CENPL: variants seen among roughly 807,000 people sequenced by gnomAD.
The protein encoded by CENPL is centromere protein L.
CENPL carries 20 observed loss-of-function variants against 35.2 expected under a neutral mutation model. The ratio of observed to expected loss-of-function variants is 0.57; its 90% CI spans 0.40 to 0.83. The LOEUF is 0.83. Ranked by LOEUF, CENPL falls within the 40% of genes least tolerant of loss-of-function variation. CENPL has a pLI of 0.00. For synonymous variants in CENPL, 140 were observed against 140.6 expected (o/e 1.00, Z 0.03); for missense variants, 363 against 395.8 (o/e 0.92, Z 0.70).
intron 4 of CENPL, among the ~76,000 whole-genome samples, chr1:173,805,921 C>T (rs1432185580): frequency 1.3e-5 from 2 of 152,160 alleles, no homozygotes; most frequent in Non-Finnish European, 1.5e-5. Flanking sequence ...CCCAGAACAT[C>T]TTGAGATCTT....
intron 4 of CENPL, among the ~76,000 whole-genome samples, chr1:173,806,085 A>C (rs1211934413): frequency 6.6e-6 from 1 of 152,256 alleles, no homozygotes; most frequent in Non-Finnish European, 1.5e-5. Context: ...ATATATAAGC[A>C]AATAAAAGGG....
chr1:173,804,362 T>C (rs1473589806), intron 4 of CENPL, among the ~76,000 whole-genome samples: 1 of 152,228 alleles, frequency 6.6e-6, no homozygotes. Flanking sequence ...GTTCAATATT[T>C]CCAGTTTCTT....
chr1:173,808,725 T>C (rs759853602), intron 3 of CENPL: 1 of 151,438 alleles, frequency 6.6e-6, no homozygotes, highest in Non-Finnish European at 1.5e-5. Context: ...ATATACTATA[T>C]ATAAAAATTA....
At chr1:173,805,101 C>T (rs1650089124) in intron 4 of CENPL, among the ~76,000 whole-genome samples, 1 of 152,160 alleles carries the variant, frequency 6.6e-6, no homozygotes, top group South Asian at 2.1e-4. Context: ...ATTTCTAATC[C>T]TCACAAGGGT....
At chr1:173,816,526 AC>A in intron 2 of CENPL, among the ~76,000 whole-genome samples, 1 of 152,086 alleles carries the variant, frequency 6.6e-6, no homozygotes, top group Non-Finnish European at 1.5e-5. Flanking sequence ...CAGAAATAAC[AC>A]CACACATCTA....
At position 173,812,099 on chromosome 1, in the gene CENPL, C is replaced by G. The variant is rs1161704666; in HGVS notation, c.-7-793G>C. Among the ~76,000 whole-genome samples, 4 of 152,260 alleles carry G rather than the reference C, an allele frequency of 2.6e-5. No individual in the cohort carries two copies. In the South Asian group the frequency reaches 8.3e-4, roughly 31 times the overall value. On this transcript the variant is annotated intron_variant, in intron 2 of 5. Transcript: ENST00000682279. ...AGCCTGAGATTGACCTGCGAGACAGCAGCCTCGTGGTGGGGAGGGGCGTCC... is the reference window on the plus strand; with the variant it reads ...AGCCTGAGATTGACCTGCGAGACAGGAGCCTCGTGGTGGGGAGGGGCGTCC...
chr1:173,802,888 G>A, intron 5 of CENPL, 75 bp downstream of exon 5: 3 of 954,612 alleles, frequency 3.1e-6, no homozygotes, highest in Non-Finnish European at 4.7e-6. Flanking sequence ...TCAATTGAGT[G>A]GACAATACAA....
chr1:173,814,327 G>A (rs1398862215), intron 2 of CENPL, among the ~76,000 whole-genome samples: 1 of 152,096 alleles, frequency 6.6e-6, no homozygotes, highest in African/African-American at 2.4e-5. Flanking sequence ...TCTGCACCAA[G>A]TGGACCTAAT....
At chr1:173,807,621 T>C in intron 3 of CENPL, 103 bp from the exon 4 acceptor site, 3 of 949,194 alleles carry the variant, frequency 3.2e-6, no homozygotes, top group South Asian at 4.7e-5. Flanking sequence ...ATTGAGTACC[T>C]GATTTTTGCA....
rs766564911 is a variant in CENPL at position 173,803,256 on chromosome 1, T to G, written c.670A>C (p.Met224Leu). The change falls in exon 5 of 6, where the codon ATG (methionine) becomes CTG (leucine). Residue 224 changes from methionine to leucine, a missense_variant. Physicochemically the swap from Met to Leu is conservative, Grantham distance 15 (BLOSUM62 2). Transcript: ENST00000682279. ...TGGTCCATTTTGCATGCAGTCCACA[T>G]GGCAGCCATCCAGGAAAGATTAAAT... ...NAFNLSWMAA[M>L]WTACKMDHYV... The G allele has an allele frequency of 3.0e-5, 48 of 1,613,878 alleles. No individual in the cohort carries two copies. The highest frequency in any genetic ancestry group is 3.8e-5 in the Non-Finnish European group (45 of 1,179,838).
At chr1:173,807,773 A>G (rs1650369294) in intron 3 of CENPL, among the ~76,000 whole-genome samples, 1 of 152,158 alleles carries the variant, frequency 6.6e-6, no homozygotes. Context: ...ACCCAAATGT[A>G]ATCCAAGAGG....
intron 2 of CENPL, among the ~76,000 whole-genome samples, chr1:173,811,657 T>C (rs1650833500): frequency 6.6e-6 from 1 of 152,222 alleles, no homozygotes; most frequent in Admixed American, 6.5e-5. Flanking sequence ...ATTAAGCACA[T>C]TCTACTGAAT....
intron 5 of CENPL, 95 bp downstream of exon 5, chr1:173,802,868 G>C: frequency 1.3e-6 from 1 of 793,848 alleles, no homozygotes; most frequent in Non-Finnish European, 2.0e-6. Context: ...ATACATTCAA[G>C]TGTGTTTCTT....
At chr1:173,813,063 G>A (rs1331444242) in intron 2 of CENPL, among the ~76,000 whole-genome samples, 1 of 152,174 alleles carries the variant, frequency 6.6e-6, no homozygotes, top group African/African-American at 2.4e-5. Context: ...TCAAGTGGAA[G>A]AAAGGATATC....
At chr1:173,818,176 T>A (rs1054743820) in intron 2 of CENPL, among the ~76,000 whole-genome samples, 16 of 152,006 alleles carry the variant, frequency 1.1e-4, no homozygotes, top group African/African-American at 3.1e-4. Flanking sequence ...ATAAATTTTT[T>A]AAAAATGTTA....
At chr1:173,807,565 A>G (rs1650351604) in intron 3 of CENPL, 47 bp from the exon 4 acceptor site, 6 of 1,395,688 alleles carry the variant, frequency 4.3e-6, no homozygotes, top group Middle Eastern at 2.2e-4. Context: ...TTAGGAAACA[A>G]TAAGAATTTA....
rs1281792351 is a variant in CENPL at position 173,799,847 on chromosome 1, GTATT to G, written c.*597_*600del. On this transcript the variant is annotated 3_prime_UTR_variant, in exon 6 of 6. Coordinates refer to ENST00000682279, the MANE Select transcript of CENPL (RefSeq NM_001387287.1). ...TAAGAGTTTAAACATAATAAACGCT[GTATT>G]TATTTATTTTATTTCTTTTTTATTT... 1 of 152,048 alleles carries G rather than the reference GTATT, an allele frequency of 6.6e-6. No homozygotes were observed. Among genetic ancestry groups the G allele is most frequent in the Non-Finnish European group, 1.5e-5 (1 of 68,004 alleles). 9.4% of individuals were successfully genotyped at this position (152,048 alleles called of 1,614,324 possible). A position where few individuals can be genotyped will look rare whatever the true frequency, so the allele number is the denominator to read the frequency against.
intron 3 of CENPL, among the ~76,000 whole-genome samples, chr1:173,810,286 C>T (rs1650680467): frequency 6.6e-6 from 1 of 152,078 alleles, no homozygotes; most frequent in Non-Finnish European, 1.5e-5. Context: ...CACATGTTCT[C>T]ACTTATAAGT....
rs1250978230 is a variant in CENPL, at chr1:173,803,509, C to G, written c.421-4G>C. 1 of 1,546,346 alleles carries G rather than the reference C, an allele frequency of 6.5e-7. No individual in the cohort carries two copies. Among genetic ancestry groups the G allele is most frequent in the East Asian group, 2.3e-5 (1 of 43,792 alleles). ...GCAATTGAGATTTTGACACAATCTA[C>G]AAAGAAAGTAAACAGGCTCCTTAAA... On this transcript the variant is annotated splice_polypyrimidine_tract_variant and splice_region_variant and intron_variant, in intron 4 of 5. Coordinates refer to ENST00000682279, the MANE Select transcript of CENPL (RefSeq NM_001387287.1).
Sources: gnomAD v4.1 joint callset for allele counts (sites outside exome capture counted in the v4.1 genomes callset) on GRCh38, gnomAD v4.1.1 for gene constraint, MANE v1.5 for transcripts, NCBI Gene and HGNC (gene_info 2026-07-23, HGNC 2026-07-21) for gene names.